Variants in PDZD8 observed in about 807,000 individuals in gnomAD.
The protein encoded by PDZD8 is PDZ domain-containing protein 8.
PDZD8 carries 14 observed loss-of-function variants against 85.8 expected under a neutral mutation model. That is an observed-to-expected ratio of 0.16 (90% confidence interval 0.11 to 0.26). PDZD8 has a LOEUF of 0.26. Ranked by LOEUF, PDZD8 falls within the 10% of genes least tolerant of loss-of-function variation. PDZD8 has a pLI of 1.00. For missense variants in PDZD8, 1,197 were observed against 1,424.3 expected (o/e 0.84, Z 2.57); for synonymous variants, 592 against 568.6 (o/e 1.04, Z -0.59).
At chr10:117,301,266 G>A (rs755741540) in intron 3 of PDZD8, among the ~76,000 whole-genome samples, 3 of 152,130 alleles carry the variant, frequency 2.0e-5, no homozygotes, top group Non-Finnish European at 4.4e-5. Context: ...TTACAGGTAT[G>A]AGCCACTGCG....
intron 1 of PDZD8, among the ~76,000 whole-genome samples, chr10:117,358,382 G>A (rs747640298): frequency 1.8e-4 from 27 of 152,102 alleles, no homozygotes; most frequent in Middle Eastern, 3.4e-3. Flanking sequence ...ACGTAATTGC[G>A]GGTTTTGCCA....
chr10:117,362,169 A>C (rs1221418808), intron 1 of PDZD8, among the ~76,000 whole-genome samples: 1 of 152,192 alleles, frequency 6.6e-6, no homozygotes, highest in Non-Finnish European at 1.5e-5. Flanking sequence ...CTAGTTTATA[A>C]GTACCTAACT....
chr10:117,333,137 A>AAAAAAAAAC (rs1564703089), intron 2 of PDZD8, among the ~76,000 whole-genome samples: 17 of 149,212 alleles, frequency 1.1e-4, no homozygotes, highest in African/African-American at 4.2e-4. Context: ...AAAAAAAAAA[A>AAAAAAAAAC]AAAAAAGGGG....
intron 3 of PDZD8, among the ~76,000 whole-genome samples, chr10:117,316,095 T>C (rs1844124305): frequency 6.6e-6 from 1 of 152,198 alleles, no homozygotes; most frequent in Non-Finnish European, 1.5e-5. Context: ...TTAAGCCTAA[T>C]ATCTAATTTA....
At chr10:117,339,545 T>G (rs762869855) in intron 2 of PDZD8, among the ~76,000 whole-genome samples, 21 of 152,214 alleles carry the variant, frequency 1.4e-4, no homozygotes, top group Non-Finnish European at 2.8e-4. Flanking sequence ...TTGTATAACC[T>G]GTGGGCTATC....
At chr10:117,291,877 A>G (rs575686977) in intron 3 of PDZD8, among the ~76,000 whole-genome samples, 1 of 150,530 alleles carries the variant, frequency 6.6e-6, no homozygotes, top group Non-Finnish European at 1.5e-5. Context: ...AAACAGGCAG[A>G]GTGCTACATC....
At chr10:117,305,471 TACACACACACAC>T (rs57037106) in intron 3 of PDZD8, among the ~76,000 whole-genome samples, 5,504 of 141,820 alleles carry the variant, frequency 0.039, 251 homozygotes, top group African/African-American at 0.12. Flanking sequence ...TACACACACA[TACACACACACAC>T]ACACACACAC....
At chr10:117,314,130 G>T (rs1437472907) in intron 3 of PDZD8, 1 of 152,116 alleles carries the variant, frequency 6.6e-6, no homozygotes, top group Non-Finnish European at 1.5e-5. Context: ...TGCTACATAT[G>T]TTAGACATTT....
Position 117,365,547 on chromosome 10 carries a change from A to G in PDZD8, c.872+8809T>C, listed in dbSNP as rs1413225807. 2.6e-5 allele frequency among the ~76,000 whole-genome samples: 4 copies of G among 152,312 alleles called. No individual in the cohort carries two copies. The East Asian group carries it at 7.7e-4, about 29-fold the overall frequency. ...TAAAGTGAGTTTGTCGCTCATTTGA[A>G]AGGGAAAAGAATATAATGTGTCACC... On this transcript the variant is annotated intron_variant, in intron 1 of 4. Coordinates refer to ENST00000334464, the MANE Select transcript of PDZD8 (RefSeq NM_173791.5).
Position 117,318,884 on chromosome 10 carries a change from A to G in PDZD8, c.1086T>C (p.Ser362=). The G allele has an allele frequency of 6.3e-7, 1 of 1,598,784 alleles. No homozygotes were observed. Among genetic ancestry groups the G allele is most frequent in the Non-Finnish European group, 8.6e-7 (1 of 1,166,904 alleles). The change falls in exon 3 of 5, where the codon AGT becomes AGC. Residue 362 remains serine, a synonymous_variant. Coordinates refer to ENST00000334464, the MANE Select transcript of PDZD8 (RefSeq NM_173791.5). ...AAATCCATTTTACCGTCTTAATAGA[A>G]CTCCTCTGTTTTTCTTCCCAAACAC... ...SSSVWEEKQR[S]SIKTVELIKG...
chr10:117,372,779 T>A (rs986489692), intron 1 of PDZD8, among the ~76,000 whole-genome samples: 2 of 152,154 alleles, frequency 1.3e-5, no homozygotes, highest in African/African-American at 4.8e-5. Context: ...AAAGTAAATT[T>A]CTCCTGCCAC....
chr10:117,291,672 C>T (rs1844768466), intron 3 of PDZD8, among the ~76,000 whole-genome samples: 1 of 151,536 alleles, frequency 6.6e-6, no homozygotes, highest in African/African-American at 2.4e-5. Context: ...TGGTGAGACC[C>T]CATCTTTATT....
At chr10:117,320,156 C>T (rs1844204446) in intron 2 of PDZD8, among the ~76,000 whole-genome samples, 1 of 152,036 alleles carries the variant, frequency 6.6e-6, no homozygotes, top group African/African-American at 2.4e-5. Flanking sequence ...GCTTAACAAC[C>T]TATTATCAAA....
intron 1 of PDZD8, among the ~76,000 whole-genome samples, chr10:117,366,534 G>A (rs1459943251): frequency 6.6e-6 from 1 of 151,616 alleles, no homozygotes; most frequent in Non-Finnish European, 1.5e-5. Flanking sequence ...AGTATTTGTG[G>A]GTACATAAGG....
chr10:117,348,571 T>C (rs1270027288), intron 1 of PDZD8, among the ~76,000 whole-genome samples: 1 of 152,202 alleles, frequency 6.6e-6, no homozygotes, highest in Non-Finnish European at 1.5e-5. Context: ...TCTCCTTGGC[T>C]TGGCGATGGC....
In PDZD8 at chr10:117,341,041, G is replaced by C. The variant is rs1428639429; in HGVS notation, c.934C>G (p.His312Asp). 1 of 1,613,486 alleles carries C rather than the reference G, an allele frequency of 6.2e-7. No individual in the cohort carries two copies. Among genetic ancestry groups the C allele is most frequent in the African/African-American group, 1.3e-5 (1 of 74,874 alleles). Residue 312 changes from histidine (H) to aspartate (D), a missense_variant, in exon 2 of 5, where the codon CAT becomes GAT. Transcript: ENST00000334464. ...QGFEEDEEHI[H>D]IQQWALTEGR... ...TCAGTAAGTGCCCATTGTTGTATAT[G>C]GATATGCTCTTCATCTTCTTCAAAT... is the stretch of plus-strand genomic sequence containing the variant.
At chr10:117,363,056 G>A (rs1790298195) in intron 1 of PDZD8, among the ~76,000 whole-genome samples, 1 of 152,014 alleles carries the variant, frequency 6.6e-6, no homozygotes, top group African/African-American at 2.4e-5. Flanking sequence ...CTTAGTAATG[G>A]TGAGAACAAA....
chr10:117,281,780 A>G lies in PDZD8; in HGVS notation c.*1488T>C, dbSNP rs1844579104. ...TCTTTTATGGAGTCCTGGAGTCTAG[A>G]CCTGGGCCCCAGTCCTTAATATTAC... On this transcript the variant is annotated 3_prime_UTR_variant, in exon 5 of 5. Transcript: ENST00000334464. 1 of 152,148 alleles carries G rather than the reference A, an allele frequency of 6.6e-6. No homozygotes were observed. The highest frequency in any genetic ancestry group is 1.5e-5 in the Non-Finnish European group (1 of 68,036). 9.4% of individuals were successfully genotyped at this position (152,148 alleles called of 1,614,324 possible). A position where few individuals can be genotyped will look rare whatever the true frequency, so the allele number is the denominator to read the frequency against.
intron 3 of PDZD8, among the ~76,000 whole-genome samples, chr10:117,297,385 C>G (rs1197027567): frequency 6.6e-6 from 1 of 152,062 alleles, no homozygotes; most frequent in African/African-American, 2.4e-5. Flanking sequence ...CACCATAGGA[C>G]CCAGCAATCC....
Sources: allele counts gnomAD v4.1 joint callset (sites outside exome capture counted in the v4.1 genomes callset), GRCh38; gene constraint gnomAD v4.1.1; transcripts MANE v1.5; gene names NCBI Gene and HGNC (gene_info 2026-07-23, HGNC 2026-07-21).